Variants in OCA2 observed in about 807,000 individuals in gnomAD.
The protein encoded by OCA2 is OCA2 melanosomal transmembrane protein.
Under a neutral mutation model 100.2 loss-of-function variants are expected in OCA2, and 77 were observed. The ratio of observed to expected loss-of-function variants is 0.77; its 90% confidence interval spans 0.64 to 0.93. The LOEUF (loss-of-function observed/expected upper bound fraction) is 0.93. Among genes scored for constraint, OCA2 ranks in the 40% least tolerant of loss-of-function variants. The probability of loss-of-function intolerance (pLI) is 0.00; values close to 1 mark genes in which losing one functional copy is unlikely to be tolerated. For synonymous variants in OCA2, 432 were observed against 439.2 expected (o/e 0.98, Z 0.21); for missense variants, 1,062 against 1,089.1 (o/e 0.98, Z 0.35).
intron 22 of OCA2, among the ~76,000 whole-genome samples, chr15:27,848,894 G>A (rs1002381850): frequency 2.0e-5 from 3 of 152,006 alleles, no homozygotes; most frequent in Non-Finnish European, 4.4e-5. Context: ...GGCCTGGATT[G>A]GTGTGAACAC....
chr15:27,755,394 C>T lies in OCA2; in HGVS notation c.2511G>A (p.Trp837Ter), dbSNP rs2030262243. The change falls in exon 24 of 24, where the codon TGG (tryptophan) becomes TGA (stop). Residue 837 changes from tryptophan to a stop codon, truncating the protein, a stop_gained. Transcript: ENST00000354638. LOFTEE classifies it high-confidence loss of function. ...YLLVAHVVVG[W>*]N ...AGCAATAGATGGATGTCTATTAATT[C>T]CATCCCACCACCACATGAGCCACAA... 8.1e-6 allele frequency: 13 copies of T among 1,607,966 alleles called. No individual in the cohort carries two copies. Among genetic ancestry groups the T allele is most frequent in the Non-Finnish European group, 1.0e-5 (12 of 1,174,444 alleles).
At chr15:27,943,251 T>C (rs2039712889) in intron 18 of OCA2, among the ~76,000 whole-genome samples, 1 of 152,152 alleles carries the variant, frequency 6.6e-6, no homozygotes, top group Non-Finnish European at 1.5e-5. Flanking sequence ...CCCCACTCCC[T>C]TTGGAATTCA....
chr15:28,003,082 G>C (rs183524633), intron 9 of OCA2, among the ~76,000 whole-genome samples: 2 of 152,244 alleles, frequency 1.3e-5, no homozygotes, highest in Non-Finnish European at 2.9e-5. Context: ...CTGCGGGTCC[G>C]CGTCAGCCAC....
the OCA2 span, among the ~76,000 whole-genome samples, chr15:27,723,637 C>G: frequency 6.6e-6 from 1 of 152,068 alleles, no homozygotes; most frequent in African/African-American, 2.4e-5. Context: ...ACTTCCTGGG[C>G]GGCTTCAATC....
At chr15:27,748,959 G>GA in the OCA2 span, among the ~76,000 whole-genome samples, 11,005 of 149,930 alleles carry the variant, frequency 0.073, 1,290 homozygotes, top group African/African-American at 0.25. Flanking sequence ...AGAAAATACT[G>GA]AAAAAAAAAT....
intron 9 of OCA2, among the ~76,000 whole-genome samples, chr15:27,991,860 C>T (rs1158448963): frequency 1.3e-5 from 2 of 152,164 alleles, no homozygotes; most frequent in Non-Finnish European, 2.9e-5. Context: ...CAGAAACTGA[C>T]TCCCTTTACC....
the OCA2 span, among the ~76,000 whole-genome samples, chr15:27,731,758 G>C: frequency 6.6e-6 from 1 of 152,164 alleles, no homozygotes; most frequent in Admixed American, 6.5e-5. Context: ...TGTGTTCACA[G>C]GAGAGAAAAA....
intron 23 of OCA2, among the ~76,000 whole-genome samples, chr15:27,812,524 T>C (rs2034119660): frequency 6.6e-6 from 1 of 152,176 alleles, no homozygotes; most frequent in African/African-American, 2.4e-5. Flanking sequence ...AAATATATCT[T>C]TCATTAAAAA....
rs185765702 is a variant in OCA2 at position 27,800,196 on chromosome 15, T to C, written c.2433-44724A>G. The stretch of plus-strand genomic sequence containing the variant: ...ACACAACTTATCAGAATTTGTACGA[T>C]TGTACTAAAGCGTTGCCGAGGTAGA... On this transcript the variant is annotated intron_variant, in intron 23 of 23. Coordinates refer to ENST00000354638, the MANE Select transcript of OCA2 (RefSeq NM_000275.3). 2.6e-5 allele frequency among the ~76,000 whole-genome samples: 4 copies of C among 152,302 alleles called. No homozygotes were observed. The East Asian group carries it at 5.8e-4, about 22-fold the overall frequency.
chr15:27,922,662 T>TTGTG (rs2038898570), intron 19 of OCA2, among the ~76,000 whole-genome samples: 2 of 151,152 alleles, frequency 1.3e-5, no homozygotes, highest in African/African-American at 4.9e-5. Context: ...GACATAGCTT[T>TTGTG]TGTGGTTTTT....
At chr15:27,815,243 G>C (rs2034252161) in intron 23 of OCA2, among the ~76,000 whole-genome samples, 1 of 152,204 alleles carries the variant, frequency 6.6e-6, no homozygotes, top group African/African-American at 2.4e-5. Context: ...CAGCAGAAGA[G>C]ACTGGGCCAA....
chr15:27,918,446 AG>A (rs1424043764), intron 19 of OCA2, among the ~76,000 whole-genome samples: 1 of 152,168 alleles, frequency 6.6e-6, no homozygotes, highest in African/African-American at 2.4e-5. Flanking sequence ...AAAAACATGA[AG>A]GTTGGAAACT....
At chr15:27,835,356 G>A (rs2035108457) in intron 23 of OCA2, among the ~76,000 whole-genome samples, 1 of 152,174 alleles carries the variant, frequency 6.6e-6, no homozygotes, top group African/African-American at 2.4e-5. Flanking sequence ...TCCTTCCCCT[G>A]TTTCTAGGGC....
At chr15:27,762,532 C>T (rs1196430022) in intron 23 of OCA2, among the ~76,000 whole-genome samples, 2 of 152,188 alleles carry the variant, frequency 1.3e-5, no homozygotes, top group Non-Finnish European at 2.9e-5. Flanking sequence ...CTGAAATCCC[C>T]ACCCAGGGAG....
intron 14 of OCA2, among the ~76,000 whole-genome samples, chr15:27,972,183 G>GGT (rs2040813609): frequency 6.6e-6 from 1 of 152,088 alleles, no homozygotes; most frequent in Non-Finnish European, 1.5e-5. Flanking sequence ...AGTATTCTAT[G>GGT]GTGTGTGTGG....
At chr15:28,024,615 C>T (rs1416042089) in intron 5 of OCA2, among the ~76,000 whole-genome samples, 2 of 152,210 alleles carry the variant, frequency 1.3e-5, no homozygotes, top group Non-Finnish European at 2.9e-5. Context: ...AACATGCTGC[C>T]CGGCTTCTGC....
intron 6 of OCA2, among the ~76,000 whole-genome samples, chr15:28,020,954 T>C (rs1242378159): frequency 1.3e-5 from 2 of 152,058 alleles, no homozygotes; most frequent in African/African-American, 2.4e-5. Context: ...TGGGAAGATG[T>C]AGTGAGACTG....
At chr15:27,905,118 C>T (rs1331376071) in intron 19 of OCA2, among the ~76,000 whole-genome samples, 3 of 148,730 alleles carry the variant, frequency 2.0e-5, no homozygotes, top group East Asian at 2.0e-4. Context: ...GAGCCAAGAT[C>T]GCGCCACTGC....
the OCA2 span, among the ~76,000 whole-genome samples, chr15:27,747,985 C>A: frequency 6.6e-6 from 1 of 152,088 alleles, no homozygotes; most frequent in Non-Finnish European, 1.5e-5. Context: ...TGGTGGGGCA[C>A]CCACACCCTC....
Sources: gnomAD v4.1 joint callset for allele counts (sites outside exome capture counted in the v4.1 genomes callset) on GRCh38, gnomAD v4.1.1 for gene constraint, MANE v1.5 for transcripts, NCBI Gene and HGNC (gene_info 2026-07-23, HGNC 2026-07-21) for gene names.